The following SLC24A2 variants were observed in gnomAD, a reference collection of about 807,000 sequenced individuals.
The protein encoded by SLC24A2 is sodium/potassium/calcium exchanger 2.
A neutral mutation model predicts 62.0 loss-of-function variants in SLC24A2; 36 were observed. The observed-to-expected ratio is 0.58, with a 90% CI of 0.44 to 0.77. The LOEUF (loss-of-function observed/expected upper bound fraction) is 0.77, where lower values mean the gene tolerates loss of function less well. Among genes scored for constraint, SLC24A2 ranks in the 30% least tolerant of loss-of-function variants. The pLI is 0.00. For synonymous variants in SLC24A2, 358 were observed against 294.0 expected, an observed-to-expected ratio of 1.22 and a Z score of -2.23; for missense variants, 846 against 817.9, an observed-to-expected ratio of 1.03 and a Z score of -0.42.
At chr9:19,878,491 T>C in the SLC24A2 span, among the ~76,000 whole-genome samples, 1 of 152,134 alleles carries the variant, frequency 6.6e-6, no homozygotes, top group African/African-American at 2.4e-5. Flanking sequence ...TGACAATCTT[T>C]TATATGGTTT....
the SLC24A2 span, among the ~76,000 whole-genome samples, chr9:19,989,464 C>A: frequency 2.0e-5 from 3 of 152,156 alleles, no homozygotes; most frequent in Non-Finnish European, 1.5e-5. Flanking sequence ...TAAAGAATGT[C>A]AGTTATGACA....
At chr9:19,614,119 G>C (rs1236911727) in intron 4 of SLC24A2, among the ~76,000 whole-genome samples, 2 of 152,178 alleles carry the variant, frequency 1.3e-5, no homozygotes, top group African/African-American at 4.8e-5. Context: ...GGTTCATGAA[G>C]ATGTACCCCT....
the SLC24A2 span, among the ~76,000 whole-genome samples, chr9:19,875,208 T>A: frequency 6.6e-6 from 1 of 152,140 alleles, no homozygotes; most frequent in African/African-American, 2.4e-5. Flanking sequence ...AGAACTGAAA[T>A]TTCCTCCTGA....
the SLC24A2 span, among the ~76,000 whole-genome samples, chr9:20,264,743 C>A: frequency 6.6e-6 from 1 of 152,158 alleles, no homozygotes; most frequent in Non-Finnish European, 1.5e-5. Flanking sequence ...TCTCTTTTTC[C>A]TGACGCTAAA....
At chr9:20,261,840 C>T in the SLC24A2 span, among the ~76,000 whole-genome samples, 8 of 141,930 alleles carry the variant, frequency 5.6e-5, no homozygotes, top group African/African-American at 1.3e-4. Flanking sequence ...CCCAGATTCA[C>T]GCCATTCTCC....
chr9:20,025,171 C>T, the SLC24A2 span, among the ~76,000 whole-genome samples: 1 of 152,148 alleles, frequency 6.6e-6, no homozygotes, highest in Non-Finnish European at 1.5e-5. Context: ...TAATGCTTGT[C>T]ATGACTCACT....
At chr9:19,530,115 C>T (rs960200241) in intron 8 of SLC24A2, among the ~76,000 whole-genome samples, 8 of 147,118 alleles carry the variant, frequency 5.4e-5, no homozygotes, top group Admixed American at 6.8e-5. Context: ...GGAAATCAGC[C>T]GGATTCTGGA....
the SLC24A2 span, among the ~76,000 whole-genome samples, chr9:20,036,807 G>T: frequency 9.2e-5 from 14 of 151,948 alleles, no homozygotes; most frequent in East Asian, 2.7e-3. Context: ...TGTAGTATTT[G>T]CATATAACCT....
the SLC24A2 span, among the ~76,000 whole-genome samples, chr9:20,101,368 T>C: frequency 3.1e-3 from 473 of 152,348 alleles, 4 homozygotes; most frequent in African/African-American, 0.011. Flanking sequence ...TGCAATAACA[T>C]GAGAAGCTGC....
the SLC24A2 span, among the ~76,000 whole-genome samples, chr9:20,021,814 C>T: frequency 2.6e-5 from 4 of 152,060 alleles, no homozygotes; most frequent in Non-Finnish European, 5.9e-5. Flanking sequence ...GGAGAAGCCA[C>T]TGGTCCCCAA....
the SLC24A2 span, among the ~76,000 whole-genome samples, chr9:20,255,555 C>CA: frequency 4.6e-5 from 7 of 152,164 alleles, no homozygotes; most frequent in Non-Finnish European, 7.3e-5. Context: ...TTGATTCACT[C>CA]ACATTGTCTG....
At chr9:19,775,281 T>C (rs914789947) in intron 2 of SLC24A2, among the ~76,000 whole-genome samples, 3 of 152,250 alleles carry the variant, frequency 2.0e-5, no homozygotes, top group African/African-American at 7.2e-5. Flanking sequence ...GATTCTGCTT[T>C]TCTCTGATTT....
intron 8 of SLC24A2, among the ~76,000 whole-genome samples, chr9:19,549,137 TAATAA>T (rs1834721099): frequency 6.6e-6 from 1 of 152,176 alleles, no homozygotes; most frequent in Admixed American, 6.5e-5. Context: ...TAATGGTAGA[TAATAA>T]AATCGATTAA....
the SLC24A2 span, among the ~76,000 whole-genome samples, chr9:20,128,344 A>T: frequency 1.3e-5 from 2 of 152,128 alleles, no homozygotes; most frequent in Non-Finnish European, 2.9e-5. Context: ...CATTAATCTA[A>T]TATTTATTGT....
At chr9:20,164,933 A>G in the SLC24A2 span, among the ~76,000 whole-genome samples, 1 of 141,804 alleles carries the variant, frequency 7.1e-6, no homozygotes, top group African/African-American at 2.6e-5. Flanking sequence ...GAATTGAACA[A>G]TGAGAACACA....
intron 2 of SLC24A2, among the ~76,000 whole-genome samples, chr9:19,734,674 T>C (rs1821449512): frequency 6.6e-6 from 1 of 152,234 alleles, no homozygotes; most frequent in Admixed American, 6.5e-5. Flanking sequence ...ACTCATGATT[T>C]GGCTGTTTGT....
At chr9:19,765,685 C>G (rs768640807) in intron 2 of SLC24A2, among the ~76,000 whole-genome samples, 34 of 152,240 alleles carry the variant, frequency 2.2e-4, no homozygotes, top group Non-Finnish European at 3.8e-4. Flanking sequence ...CTGATGGCTT[C>G]CCTTTGTGGG....
At chr9:20,029,520 G>A in the SLC24A2 span, among the ~76,000 whole-genome samples, 1 of 152,144 alleles carries the variant, frequency 6.6e-6, no homozygotes, top group Admixed American at 6.5e-5. Context: ...ATGGGTCTCT[G>A]TTGGGCTGTG....
the SLC24A2 span, among the ~76,000 whole-genome samples, chr9:20,046,830 G>C: frequency 6.6e-6 from 1 of 152,142 alleles, no homozygotes; most frequent in African/African-American, 2.4e-5. Flanking sequence ...TTTAAGCAAA[G>C]TTTTTCTCTC....
Sources: allele counts gnomAD v4.1 joint callset (sites outside exome capture counted in the v4.1 genomes callset), GRCh38; gene constraint gnomAD v4.1.1; transcripts MANE v1.5; gene names NCBI Gene and HGNC (gene_info 2026-07-23, HGNC 2026-07-21).